EXOSC7: variants seen among roughly 807,000 people sequenced by gnomAD.
EXOSC7 encodes the protein exosome complex component RRP42.
In EXOSC7, 25 loss-of-function variants were observed where a neutral mutation model predicts 34.3. That is an observed-to-expected ratio of 0.73 (90% CI 0.53 to 1.02). The LOEUF (loss-of-function observed/expected upper bound fraction) is 1.02. Ranked by LOEUF, EXOSC7 falls within the 50% of genes least tolerant of loss-of-function variation. The pLI, the probability that EXOSC7 is intolerant of heterozygous loss-of-function variation, is 0.00. For missense variants in EXOSC7, 370 were observed against 368.5 expected (o/e 1.00, Z -0.03); for synonymous variants, 130 against 143.0 (o/e 0.91, Z 0.65).
At chr3:44,979,051 CTG>C (rs778414724) in intron 1 of EXOSC7, among the ~76,000 whole-genome samples, 2 of 152,216 alleles carry the variant, frequency 1.3e-5, no homozygotes, top group Non-Finnish European at 2.9e-5. Flanking sequence ...ATGCTCAGCT[CTG>C]TGTATCACAG....
chr3:44,993,071 AC>A (rs575637846), intron 3 of EXOSC7, among the ~76,000 whole-genome samples: 266 of 152,286 alleles, frequency 1.7e-3, no homozygotes, highest in African/African-American at 6.2e-3. Context: ...TAAAGGGGAC[AC>A]TGTTCCTGGC....
intron 4 of EXOSC7, among the ~76,000 whole-genome samples, chr3:44,998,297 A>C (rs144041604): frequency 6.6e-6 from 1 of 151,944 alleles, no homozygotes; most frequent in Non-Finnish European, 1.5e-5. Flanking sequence ...CGGCCTCCCA[A>C]AGTGCGGGGA....
intron 4 of EXOSC7, among the ~76,000 whole-genome samples, chr3:44,999,089 G>A (rs774906876): frequency 1.3e-5 from 2 of 152,200 alleles, no homozygotes; most frequent in Admixed American, 6.5e-5. Context: ...TTGTAGGATG[G>A]CCCAGTGATG....
chr3:45,007,952 C>G (rs1380035910), intron 7 of EXOSC7, among the ~76,000 whole-genome samples: 1 of 152,208 alleles, frequency 6.6e-6, no homozygotes, highest in Non-Finnish European at 1.5e-5. Flanking sequence ...CTTCCTGTCC[C>G]TAGAAGTGGG....
At chr3:45,004,301 G>C (rs1435799146) in intron 5 of EXOSC7, 2 of 151,928 alleles carry the variant, frequency 1.3e-5, no homozygotes, top group Non-Finnish European at 2.9e-5. Flanking sequence ...TGTCTCCCAG[G>C]CTGGACTGCA....
At chr3:45,003,341 G>T (rs1324015346) in intron 5 of EXOSC7, among the ~76,000 whole-genome samples, 1 of 87,468 alleles carries the variant, frequency 1.1e-5, no homozygotes, top group African/African-American at 3.0e-5. Context: ...GTGCGTGCGT[G>T]CGTGCGTGCG....
At chr3:44,982,285 G>A (rs2125961703) in intron 1 of EXOSC7, among the ~76,000 whole-genome samples, 1 of 152,322 alleles carries the variant, frequency 6.6e-6, no homozygotes, top group African/African-American at 2.4e-5. Context: ...TCACCCTTTG[G>A]ATTATATGCC....
intron 3 of EXOSC7, among the ~76,000 whole-genome samples, chr3:44,996,335 T>G (rs1054524142): frequency 6.6e-6 from 1 of 152,188 alleles, no homozygotes; most frequent in Non-Finnish European, 1.5e-5. Flanking sequence ...AACACTTCAG[T>G]GTTTTTAGGG....
Position 44,997,018 on chromosome 3 carries a change from A to G in EXOSC7, c.255-69A>G, listed in dbSNP as rs188026337. 3 of 1,500,372 alleles carry G rather than the reference A, an allele frequency of 2.0e-6. No homozygotes were observed. In the East Asian group the frequency reaches 6.8e-5, roughly 34 times the overall value. 92.9% of individuals were successfully genotyped at this position (1,500,372 alleles called of 1,614,324 possible). ...CAGCATTCTACAGGGAAACTGGAATAAAGCTTTGCCTCTTTGCTTTTTGCA... is the reference window on the plus strand; with the variant it reads ...CAGCATTCTACAGGGAAACTGGAATGAAGCTTTGCCTCTTTGCTTTTTGCA... On this transcript the variant is annotated intron_variant, in intron 3 of 7. Coordinates refer to ENST00000265564, the MANE Select transcript of EXOSC7 (RefSeq NM_015004.4).
chr3:44,994,892 TG>T (rs1403722329), intron 3 of EXOSC7, among the ~76,000 whole-genome samples: 6 of 151,274 alleles, frequency 4.0e-5, no homozygotes, highest in Admixed American at 6.6e-5. Flanking sequence ...TGTGTGTGTG[TG>T]TGTGTGTGTG....
intron 1 of EXOSC7, among the ~76,000 whole-genome samples, chr3:44,983,748 A>G (rs1286537840): frequency 6.6e-6 from 1 of 151,436 alleles, no homozygotes; most frequent in Non-Finnish European, 1.5e-5. Context: ...CACATGGATT[A>G]ATTCCTTTGC....
chr3:45,004,630 A>G (rs1025773274), intron 5 of EXOSC7: 6 of 142,210 alleles, frequency 4.2e-5, no homozygotes, highest in African/African-American at 1.5e-4. Context: ...TTTAATTTGC[A>G]TTTTTAATAG....
intron 1 of EXOSC7, among the ~76,000 whole-genome samples, chr3:44,987,223 A>G (rs1292224189): frequency 6.6e-6 from 1 of 152,192 alleles, no homozygotes; most frequent in Non-Finnish European, 1.5e-5. Context: ...CTGAAACTGA[A>G]GAGAAACCTA....
intron 1 of EXOSC7, among the ~76,000 whole-genome samples, chr3:44,985,538 G>T (rs1422166122): frequency 6.6e-6 from 1 of 151,700 alleles, no homozygotes; most frequent in Non-Finnish European, 1.5e-5. Flanking sequence ...AGCTCTTAAG[G>T]CGGCACACCT....
intron 1 of EXOSC7, among the ~76,000 whole-genome samples, chr3:44,984,524 C>CA (rs1046576857): frequency 4.0e-5 from 6 of 151,836 alleles, no homozygotes; most frequent in Non-Finnish European, 7.4e-5. Context: ...TGTGGCCAGC[C>CA]AGTTCATCCT....
At chr3:44,989,413 C>T in intron 2 of EXOSC7, 137 bp from the exon 3 acceptor site, 1 of 812,168 alleles carries the variant, frequency 1.2e-6, no homozygotes, top group Non-Finnish European at 2.0e-6. Flanking sequence ...CTGCTCACCT[C>T]CTCCAAAGAC....
chr3:44,981,978 G>A (rs182913588), intron 1 of EXOSC7, among the ~76,000 whole-genome samples: 2 of 152,316 alleles, frequency 1.3e-5, no homozygotes, highest in East Asian at 1.9e-4. Context: ...CATGGGCTCC[G>A]TGGATTATCT....
chr3:44,993,254 G>A (rs1376263905), intron 3 of EXOSC7, among the ~76,000 whole-genome samples: 1 of 152,112 alleles, frequency 6.6e-6, no homozygotes, highest in Non-Finnish European at 1.5e-5. Flanking sequence ...CCCATTTACA[G>A]GGAGGCTTCT....
At chr3:44,980,271 A>C (rs544140966) in intron 1 of EXOSC7, among the ~76,000 whole-genome samples, 1 of 151,486 alleles carries the variant, frequency 6.6e-6, no homozygotes, top group African/African-American at 2.4e-5. Context: ...CCCCTCTCCC[A>C]GGGGAGAACA....
Sources: allele counts gnomAD v4.1 joint callset (sites outside exome capture counted in the v4.1 genomes callset), GRCh38; gene constraint gnomAD v4.1.1; transcripts MANE v1.5; gene names NCBI Gene and HGNC (gene_info 2026-07-23, HGNC 2026-07-21).